The following DNAI7 variants were observed in gnomAD, a reference collection of about 807,000 sequenced individuals.
The protein encoded by DNAI7 is cancer susceptibility 1.
DNAI7 carries 78 observed loss-of-function variants against 86.6 expected under a neutral mutation model. That is an observed-to-expected ratio of 0.90 (90% confidence interval 0.75 to 1.09). DNAI7 has a LOEUF of 1.09. DNAI7 is among the 50% of genes least tolerant of loss of function. DNAI7 has a pLI of 0.00. For synonymous variants in DNAI7, 274 were observed against 273.0 expected (o/e 1.00, Z -0.04); for missense variants, 753 against 810.2 (o/e 0.93, Z 0.86).
At chr12:25,135,628 A>T (rs1179687122) in intron 9 of DNAI7, among the ~76,000 whole-genome samples, 1 of 152,094 alleles carries the variant, frequency 6.6e-6, no homozygotes, top group Non-Finnish European at 1.5e-5. Context: ...AGCCCTACTC[A>T]CTGGTTGCCT....
chr12:25,171,544 A>G (rs1337907554), intron 2 of DNAI7, among the ~76,000 whole-genome samples: 1 of 152,194 alleles, frequency 6.6e-6, no homozygotes, highest in Non-Finnish European at 1.5e-5. Flanking sequence ...CAAGACATTC[A>G]AAGAAGAATT....
At chr12:25,154,488 TG>T in intron 5 of DNAI7, 32 bp from the exon 6 acceptor site, 1 of 1,579,602 alleles carries the variant, frequency 6.3e-7, no homozygotes, top group African/African-American at 1.4e-5. Context: ...AGGTTCACAT[TG>T]ATGAAGATTC....
intron 2 of DNAI7, among the ~76,000 whole-genome samples, chr12:25,187,999 T>A (rs968160115): frequency 1.4e-4 from 21 of 152,138 alleles, no homozygotes; most frequent in African/African-American, 4.1e-4. Flanking sequence ...TTCATGTGGA[T>A]TTGCAGTCTG....
chr12:25,158,649 G>A (rs1946492452), intron 3 of DNAI7, 86 bp from the exon 4 acceptor site: 1 of 1,512,158 alleles, frequency 6.6e-7, no homozygotes, highest in South Asian at 1.2e-5. Flanking sequence ...TTTTCAAGAT[G>A]TAGTGGTGGA....
At chr12:25,177,525 T>G (rs1025798891) in intron 2 of DNAI7, among the ~76,000 whole-genome samples, 3 of 152,254 alleles carry the variant, frequency 2.0e-5, no homozygotes, top group Non-Finnish European at 4.4e-5. Context: ...CACTGCTGAA[T>G]AGTAATCCAT....
rs935914497 is a variant in DNAI7, at chr12:25,176,385, T to A, written c.21+14229A>T. Among the ~76,000 whole-genome samples the A allele has an allele frequency of 8.0e-4, 122 of 152,178 alleles. 1 individual carries two copies. Among genetic ancestry groups the A allele is most frequent in the African/African-American group, 2.7e-3 (112 of 41,568 alleles). ...ATCTTATTTTCAGTACACAACTGAA[T>A]AAAGTAACATATTATAAATTTTGAT... On this transcript the variant is annotated intron_variant, in intron 2 of 15. Transcript: ENST00000395987.
chr12:25,174,601 T>TCTG lies in DNAI7; in HGVS notation c.22-13405_22-13404insCAG, dbSNP rs1948710403. Among the ~76,000 whole-genome samples, 12 of 126,458 alleles carry TCTG rather than the reference T, an allele frequency of 9.5e-5. 2 individuals are homozygous for TCTG. The highest frequency in any genetic ancestry group is 3.3e-4 in the African/African-American group (11 of 33,090). 83.0% of individuals were successfully genotyped at this position (126,458 alleles called of 152,430 possible). A position where few individuals can be genotyped will look rare whatever the true frequency, so the allele number is the denominator to read the frequency against. ...ATATATCATATATATGGGATATATA[T>TCTG]ATGATATATATATCATATATATGGG... On this transcript the variant is annotated intron_variant, in intron 2 of 15. Coordinates refer to ENST00000395987, the MANE Select transcript of DNAI7 (RefSeq NM_018272.5).
chr12:25,151,944 A>C lies in DNAI7; in HGVS notation c.439-2170T>G, dbSNP rs183075511. ...GAAGTTAAACTATAGCAGCAATGACAGGAAGCATAAAACTGTGAGGAAGTG... is the reference window on the plus strand; with the variant it reads ...GAAGTTAAACTATAGCAGCAATGACCGGAAGCATAAAACTGTGAGGAAGTG... On this transcript the variant is annotated intron_variant, in intron 6 of 15. Transcript: ENST00000395987. Among the ~76,000 whole-genome samples, 147 of 152,346 alleles carry C rather than the reference A, an allele frequency of 9.6e-4. 1 individual carries two copies. The highest frequency in any genetic ancestry group is 1.8e-3 in the Non-Finnish European group (122 of 68,040).
chr12:25,124,742 T>C (rs1196723712), intron 9 of DNAI7, among the ~76,000 whole-genome samples: 33 of 152,116 alleles, frequency 2.2e-4, no homozygotes, highest in Admixed American at 2.0e-3. Context: ...TAGTACCCAA[T>C]AGTTATTTTT....
intron 9 of DNAI7, among the ~76,000 whole-genome samples, chr12:25,129,490 T>C (rs560794387): frequency 1.2e-4 from 19 of 152,280 alleles, no homozygotes; most frequent in African/African-American, 3.8e-4. Context: ...TTGTGGCACA[T>C]TAAAGGTTGT....
chr12:25,116,646 C>T (rs376854622), intron 12 of DNAI7, among the ~76,000 whole-genome samples: 2 of 152,052 alleles, frequency 1.3e-5, no homozygotes, highest in African/African-American at 4.8e-5. Context: ...ATTACAGGCA[C>T]GTGACACCAC....
At chr12:25,194,944 A>T in intron 1 of DNAI7, 132 bp downstream of exon 1, 1 of 1,614,204 alleles carries the variant, frequency 6.2e-7, no homozygotes, top group South Asian at 1.1e-5. Flanking sequence ...ACCCACCCCA[A>T]GGTATGAGTT....
At chr12:25,125,342 G>T (rs1482952906) in intron 9 of DNAI7, among the ~76,000 whole-genome samples, 2 of 152,082 alleles carry the variant, frequency 1.3e-5, no homozygotes, top group African/African-American at 4.8e-5. Context: ...TCTCATTGTG[G>T]TTTTGATTTA....
At chr12:25,149,853 T>A in intron 6 of DNAI7, 79 bp from the exon 7 acceptor site, 2 of 828,554 alleles carry the variant, frequency 2.4e-6, no homozygotes, top group Non-Finnish European at 3.7e-6. Flanking sequence ...TTTTATCCCT[T>A]TTGAATTGAG....
intron 2 of DNAI7, among the ~76,000 whole-genome samples, chr12:25,180,124 A>G (rs1210571671): frequency 2.0e-5 from 3 of 152,214 alleles, no homozygotes; most frequent in Non-Finnish European, 2.9e-5. Context: ...AACAAGTAGC[A>G]TTTCTACACA....
intron 2 of DNAI7, among the ~76,000 whole-genome samples, chr12:25,185,485 T>C (rs1200691558): frequency 1.3e-5 from 2 of 152,260 alleles, no homozygotes; most frequent in Non-Finnish European, 2.9e-5. Flanking sequence ...TTTACCTAAT[T>C]GGCAAAACTG....
chr12:25,108,347 C>A lies in DNAI7; in HGVS notation c.*201G>T. 5.6e-6 allele frequency: 3 copies of A among 540,488 alleles called. No individual in the cohort carries two copies. Among genetic ancestry groups the A allele is most frequent in the South Asian group, 3.6e-5 (1 of 27,638 alleles). The allele number at this position is 540,488 out of a possible 1,614,324, so 33.5% of individuals were successfully genotyped here. On this transcript the variant is annotated 3_prime_UTR_variant, in exon 16 of 16. Transcript: ENST00000395987. The stretch of plus-strand genomic sequence containing the variant: ...CATTTAAATCTTCATAGAGTGAAAG[C>A]TGAAATTCTTAACAGGCCAAGTATT...
chr12:25,190,609 C>T lies in DNAI7; in HGVS notation c.21+5G>A. 1 of 1,382,424 alleles carries T rather than the reference C, an allele frequency of 7.2e-7. No homozygotes were observed. The highest frequency in any genetic ancestry group is 9.9e-7 in the Non-Finnish European group (1 of 1,005,610). 85.6% of individuals were successfully genotyped at this position (1,382,424 alleles called of 1,614,324 possible). On this transcript the variant is annotated splice_donor_5th_base_variant and intron_variant, in intron 2 of 15. Coordinates refer to ENST00000395987, the MANE Select transcript of DNAI7 (RefSeq NM_018272.5). ...ACTATCTATTTTGAAAAAAATTCTA[C>T]ATACCTTTTTTGCTTTGGGACCCTA...
At chr12:25,122,187 TG>T (rs1941407139) in intron 10 of DNAI7, among the ~76,000 whole-genome samples, 1 of 152,008 alleles carries the variant, frequency 6.6e-6, no homozygotes, top group Non-Finnish European at 1.5e-5. Context: ...GAAAACAGGC[TG>T]GGGGCAGTGA....
Sources: allele counts gnomAD v4.1 joint callset (sites outside exome capture counted in the v4.1 genomes callset), GRCh38; gene constraint gnomAD v4.1.1; transcripts MANE v1.5; gene names NCBI Gene and HGNC (gene_info 2026-07-23, HGNC 2026-07-21).